The following LAMC1 variants were observed in gnomAD, a reference collection of about 807,000 sequenced individuals.
The protein encoded by LAMC1 is laminin subunit gamma-1.
Under a neutral mutation model 173.6 loss-of-function variants are expected in LAMC1, and 38 were observed. The ratio of observed to expected loss-of-function variants is 0.22; its 90% CI spans 0.17 to 0.29. The LOEUF (loss-of-function observed/expected upper bound fraction) is 0.29, where lower values mean the gene tolerates loss of function less well. Ranked by LOEUF, LAMC1 falls within the 10% of genes least tolerant of loss-of-function variation. The probability of loss-of-function intolerance (pLI) is 1.00; values close to 1 mark genes in which losing one functional copy is unlikely to be tolerated. For synonymous variants in LAMC1, 746 were observed against 749.1 expected (o/e 1.00, Z 0.07); for missense variants, 1,824 against 2,051.8 (o/e 0.89, Z 2.14).
At position 183,059,091 on chromosome 1, in the gene LAMC1, G is replaced by A. The variant is rs5015713; in HGVS notation, c.418+34957G>A. Reference sequence around the variant, plus strand: ...TATTGTGTTCCCTGCAGCCTAGTGCGTGTGTATTTTCTTAGACTCATCTGG... The same window carrying A: ...TATTGTGTTCCCTGCAGCCTAGTGCATGTGTATTTTCTTAGACTCATCTGG... On this transcript the variant is annotated intron_variant, in intron 1 of 27. Transcript: ENST00000258341. Among the ~76,000 whole-genome samples the A allele has an allele frequency of 2.0e-5, 3 of 152,134 alleles. No individual in the cohort carries two copies. In the East Asian group the frequency reaches 5.8e-4, roughly 29 times the overall value.
Position 183,023,474 on chromosome 1 carries a change from C to G in LAMC1, c.-243C>G, listed in dbSNP as rs541372426. 1.9e-3 allele frequency: 392 copies of G among 209,012 alleles called. 1 individual carries two copies. Among genetic ancestry groups the G allele is most frequent in the Non-Finnish European group, 3.1e-3 (328 of 106,646 alleles). The allele number at this position is 209,012 out of a possible 1,614,324, so 12.9% of individuals were successfully genotyped here. On this transcript the variant is annotated 5_prime_UTR_variant, in exon 1 of 28. Coordinates refer to ENST00000258341, the MANE Select transcript of LAMC1 (RefSeq NM_002293.4). Reference sequence around the variant, plus strand: ...GTCGGCGCGGAGTGCAGGCTGCTCCCGGGGTAGGTGAGGGAAGCGCGGAGG... The same window carrying G: ...GTCGGCGCGGAGTGCAGGCTGCTCCGGGGGTAGGTGAGGGAAGCGCGGAGG...
chr1:183,114,524 C>G lies in LAMC1; in HGVS notation c.1022-7C>G. ...ATCTGATGTAACTCGTGTGTTTTGA[C>G]TGACAGCCTGTGATTGCAATGGTCG... On this transcript the variant is annotated splice_region_variant and splice_polypyrimidine_tract_variant and intron_variant, in intron 4 of 27. Coordinates refer to ENST00000258341, the MANE Select transcript of LAMC1 (RefSeq NM_002293.4). The G allele has an allele frequency of 6.2e-7, 1 of 1,614,108 alleles. No homozygotes were observed. Among genetic ancestry groups the G allele is most frequent in the Non-Finnish European group, 8.5e-7 (1 of 1,179,982 alleles).
At chr1:183,116,448 T>C (rs1444992670) in intron 6 of LAMC1, 129 bp from the exon 7 acceptor site, 1 of 617,128 alleles carries the variant, frequency 1.6e-6, no homozygotes, top group East Asian at 2.8e-5. Flanking sequence ...CTGCACTCCA[T>C]CCTGGGCGAC....
chr1:183,029,778 G>C (rs1211086781), intron 1 of LAMC1, among the ~76,000 whole-genome samples: 1 of 152,172 alleles, frequency 6.6e-6, no homozygotes, highest in Non-Finnish European at 1.5e-5. Context: ...AGTTTTTGAA[G>C]GACGAGTCAG....
At chr1:183,039,875 T>C (rs1167587518) in intron 1 of LAMC1, among the ~76,000 whole-genome samples, 2 of 152,236 alleles carry the variant, frequency 1.3e-5, no homozygotes, top group African/African-American at 4.8e-5. Context: ...CTGTTTTTAC[T>C]TTTAGAACCC....
At chr1:183,053,252 A>G (rs1654483338) in intron 1 of LAMC1, among the ~76,000 whole-genome samples, 1 of 152,232 alleles carries the variant, frequency 6.6e-6, no homozygotes, top group Non-Finnish European at 1.5e-5. Context: ...TTTCGACTAT[A>G]GCCATTATAA....
chr1:183,028,797 G>A (rs1022477356), intron 1 of LAMC1, among the ~76,000 whole-genome samples: 9 of 152,006 alleles, frequency 5.9e-5, no homozygotes, highest in African/African-American at 2.2e-4. Flanking sequence ...TTCACGCTTC[G>A]TGGATGAACT....
At chr1:183,105,239 AAAAAAAAG>A (rs1212817376) in intron 2 of LAMC1, among the ~76,000 whole-genome samples, 10 of 145,018 alleles carry the variant, frequency 6.9e-5, no homozygotes, top group Admixed American at 2.8e-4. Context: ...AAAAAAAAAA[AAAAAAAAG>A]AAAGAAAGAA....
At chr1:183,110,704 G>A (rs763193178) in intron 4 of LAMC1, 50 bp downstream of exon 4, 2 of 1,558,152 alleles carry the variant, frequency 1.3e-6, no homozygotes, top group Non-Finnish European at 1.8e-6. Flanking sequence ...GACTTCCAAG[G>A]GTGGAAGAAG....
chr1:183,137,003 G>GGA (rs139880819), intron 25 of LAMC1, among the ~76,000 whole-genome samples: 1,766 of 152,222 alleles, frequency 0.012, 28 homozygotes, highest in African/African-American at 0.038. Context: ...GCCACTCCTA[G>GGA]GAGAGACTTC....
chr1:183,136,994 C>T (rs1351351806), intron 25 of LAMC1, among the ~76,000 whole-genome samples: 3 of 152,004 alleles, frequency 2.0e-5, no homozygotes, highest in African/African-American at 7.3e-5. Flanking sequence ...CATATGTAAG[C>T]CACTCCTAGG....
At chr1:183,062,022 C>T (rs1654755862) in intron 1 of LAMC1, among the ~76,000 whole-genome samples, 1 of 152,224 alleles carries the variant, frequency 6.6e-6, no homozygotes, top group South Asian at 2.1e-4. Flanking sequence ...GTTCTCAGAT[C>T]TTCTTAGTAA....
intron 2 of LAMC1, among the ~76,000 whole-genome samples, chr1:183,107,645 A>G (rs1394075377): frequency 2.0e-5 from 3 of 152,154 alleles, no homozygotes; most frequent in Non-Finnish European, 4.4e-5. Flanking sequence ...CCTGGCTAAC[A>G]CGGTGAAACC....
chr1:183,138,318 CA>C, intron 26 of LAMC1: 1 of 373,546 alleles, frequency 2.7e-6, no homozygotes, highest in South Asian at 1.1e-4. Flanking sequence ...AATGTGTATG[CA>C]AGGTACTATT....
At chr1:183,066,647 C>CATTTGCAG (rs1428023284) in intron 1 of LAMC1, among the ~76,000 whole-genome samples, 2 of 152,186 alleles carry the variant, frequency 1.3e-5, no homozygotes, top group Non-Finnish European at 2.9e-5. Flanking sequence ...GAGTTCATGT[C>CATTTGCAG]ATTTGCAGGG....
intron 1 of LAMC1, among the ~76,000 whole-genome samples, chr1:183,040,907 A>G (rs1331185475): frequency 6.6e-6 from 1 of 152,230 alleles, no homozygotes; most frequent in East Asian, 1.9e-4. Context: ...AAGTGCCGTG[A>G]GAGAAGGATA....
At chr1:183,054,819 C>T (rs1203179690) in intron 1 of LAMC1, among the ~76,000 whole-genome samples, 1 of 152,108 alleles carries the variant, frequency 6.6e-6, no homozygotes, top group Non-Finnish European at 1.5e-5. Flanking sequence ...ACCACAGCCA[C>T]CTTAGAGCCT....
In LAMC1 at chr1:183,114,596, C is replaced by T. The variant is rs2102080953; in HGVS notation, c.1087C>T (p.His363Tyr). The T allele has an allele frequency of 6.2e-7, 1 of 1,614,196 alleles. No individual in the cohort carries two copies. The highest frequency in any genetic ancestry group is 8.5e-7 in the Non-Finnish European group (1 of 1,180,048). Residue 363 changes from histidine (H) to tyrosine (Y), a missense_variant, in exon 5 of 28, where the codon CAT (histidine) becomes TAT (tyrosine). Transcript: ENST00000258341. ...CCCTGAACTCTATCGTTCCACTGGCCATGGGGGCCACTGTACCAACTGCCA... is the reference window on the plus strand; with the variant it reads ...CCCTGAACTCTATCGTTCCACTGGCTATGGGGGCCACTGTACCAACTGCCA... ...FDPELYRSTGHGGHCTNCQDN... is the reference protein window; with the variant it reads ...FDPELYRSTGYGGHCTNCQDN...
In LAMC1 at chr1:183,117,097, A is replaced by G. The variant is rs563080593; in HGVS notation, c.1564+194A>G. 6.2e-4 allele frequency: 434 copies of G among 705,300 alleles called. 1 individual carries two copies. The highest frequency in any genetic ancestry group is 8.8e-4 in the Non-Finnish European group (391 of 444,742). 43.7% of individuals were successfully genotyped at this position (705,300 alleles called of 1,614,324 possible). A position where few individuals can be genotyped will look rare whatever the true frequency, so the allele number is the denominator to read the frequency against. ...ACTTTTGGCTTTAGAATTTATCTCA[A>G]TGAATGGTGATTACAAATGTTATAT... On this transcript the variant is annotated intron_variant, in intron 8 of 27. Transcript: ENST00000258341.
Sources: gnomAD v4.1 joint callset for allele counts (sites outside exome capture counted in the v4.1 genomes callset) on GRCh38, gnomAD v4.1.1 for gene constraint, MANE v1.5 for transcripts, NCBI Gene and HGNC (gene_info 2026-07-23, HGNC 2026-07-21) for gene names.